The following CDIN1 variants were observed in gnomAD, a reference collection of about 807,000 sequenced individuals.
The protein encoded by CDIN1 is CDAN1-interacting nuclease 1.
CDIN1 carries 33 observed loss-of-function variants against 45.3 expected under a neutral mutation model. That is an observed-to-expected ratio of 0.73 (90% CI 0.55 to 0.97). The LOEUF (loss-of-function observed/expected upper bound fraction) is 0.97. CDIN1 is among the 50% of genes least tolerant of loss of function. The probability of loss-of-function intolerance (pLI) is 0.00; values close to 1 mark genes in which losing one functional copy is unlikely to be tolerated. For synonymous variants in CDIN1, 118 were observed against 124.4 expected (o/e 0.95, Z 0.34); for missense variants, 303 against 339.4 (o/e 0.89, Z 0.84).
chr15:36,679,156 A>G (rs917799400), intron 5 of CDIN1, among the ~76,000 whole-genome samples: 11 of 152,164 alleles, frequency 7.2e-5, no homozygotes, highest in Non-Finnish European at 1.3e-4. Context: ...ACTGAGTGCC[A>G]CAAAAGAGTG....
Position 36,709,265 on chromosome 15 carries a change from A to G in CDIN1, c.587A>G (p.Asp196Gly). 1 of 1,602,000 alleles carries G rather than the reference A, an allele frequency of 6.2e-7. No homozygotes were observed. Among genetic ancestry groups the G allele is most frequent in the Non-Finnish European group, 8.5e-7 (1 of 1,173,676 alleles). Residue 196 changes from aspartate to glycine, a missense_variant, in exon 9 of 11, where the codon GAC becomes GGC. Asp to Gly is a moderately conservative substitution (Grantham distance 94, BLOSUM62 -1). Transcript: ENST00000566621. ...GCAAAGGGTTATGACAAAACACCAGACTTCATTTTACAAGTACCAGTTGGT... is the reference window on the plus strand; with the variant it reads ...GCAAAGGGTTATGACAAAACACCAGGCTTCATTTTACAAGTACCAGTTGGT... ...LRAKGYDKTP[D>G]FILQVPVAVE...
At position 36,808,604 on chromosome 15, in the gene CDIN1, A is replaced by G; in HGVS notation, c.*151A>G. The G allele has an allele frequency of 2.9e-6, 3 of 1,041,788 alleles. No individual in the cohort carries two copies. Among genetic ancestry groups the G allele is most frequent in the South Asian group, 3.2e-5 (2 of 61,648 alleles). 64.5% of individuals were successfully genotyped at this position (1,041,788 alleles called of 1,614,324 possible). A position where few individuals can be genotyped will look rare whatever the true frequency, so the allele number is the denominator to read the frequency against. ...CACACCACTACCTCTTTAGACAAAC[A>G]TATCAAGAGTTTCTGTTTTCCTTCA... On this transcript the variant is annotated 3_prime_UTR_variant, in exon 11 of 11. Transcript: ENST00000566621.
intron 10 of CDIN1, among the ~76,000 whole-genome samples, chr15:36,733,863 T>C (rs1000324697): frequency 5.9e-5 from 9 of 152,152 alleles, no homozygotes; most frequent in Non-Finnish European, 1.2e-4. Flanking sequence ...AATAAGAAAA[T>C]GCAAGGTACT....
intron 1 of CDIN1, among the ~76,000 whole-genome samples, chr15:36,622,469 G>A (rs546446219): frequency 1.2e-4 from 18 of 152,328 alleles, no homozygotes; most frequent in Non-Finnish European, 2.5e-4. Context: ...GCAGGGCCCA[G>A]CAGTCAGGAT....
intron 1 of CDIN1, chr15:36,627,921 C>T (rs552188908): frequency 1.8e-4 from 27 of 149,254 alleles, no homozygotes; most frequent in Admixed American, 8.1e-4. Flanking sequence ...CTGCCCCTGC[C>T]GGAGAAGTGG....
chr15:36,618,007 G>A (rs1595750900), intron 1 of CDIN1: 1 of 789,152 alleles, frequency 1.3e-6, no homozygotes, highest in East Asian at 2.5e-5. Context: ...CAGTCTTTAT[G>A]CAGCCTGTAT....
chr15:36,696,198 A>G (rs1327359561), intron 7 of CDIN1, among the ~76,000 whole-genome samples: 1 of 152,206 alleles, frequency 6.6e-6, no homozygotes, highest in East Asian at 1.9e-4. Flanking sequence ...GCACTGAAAA[A>G]ATATATATTC....
intron 10 of CDIN1, among the ~76,000 whole-genome samples, chr15:36,744,304 T>C (rs1194442659): frequency 1.3e-5 from 2 of 152,190 alleles, no homozygotes; most frequent in African/African-American, 4.8e-5. Context: ...CACATTAGCA[T>C]CTTTTTTATG....
chr15:36,665,694 A>G (rs1399466651), intron 5 of CDIN1, among the ~76,000 whole-genome samples: 1 of 152,124 alleles, frequency 6.6e-6, no homozygotes, highest in Non-Finnish European at 1.5e-5. Context: ...CTTTCCCACC[A>G]CCACTGGAGC....
At chr15:36,617,317 GAAACCAC>G in intron 1 of CDIN1, 1 of 1,384,820 alleles carries the variant, frequency 7.2e-7, no homozygotes. Flanking sequence ...TTTGTCTTGT[GAAACCAC>G]AAGAAATACT....
At chr15:36,618,441 A>C (rs1367920598) in intron 1 of CDIN1, 2 of 855,042 alleles carry the variant, frequency 2.3e-6, no homozygotes, top group East Asian at 4.8e-5. Context: ...CAGAGGTCGA[A>C]GATGACGACA....
intron 1 of CDIN1, chr15:36,640,530 A>C: frequency 1.8e-6 from 1 of 570,210 alleles, no homozygotes; most frequent in Non-Finnish European, 2.2e-6. Flanking sequence ...TAGAGTGTAC[A>C]CATTTAAGCT....
rs558180303 is a variant in CDIN1 at position 36,591,520 on chromosome 15, T to C, written c.101+11559T>C. 2.4e-3 allele frequency among the ~76,000 whole-genome samples: 365 copies of C among 152,292 alleles called. 1 individual carries two copies. The highest frequency in any genetic ancestry group is 2.6e-3 in the Non-Finnish European group (174 of 68,016). On this transcript the variant is annotated intron_variant, in intron 1 of 10. Transcript: ENST00000566621. ...TTCCTAATGGATGAAGTTAAAATTA[T>C]CTAGATTCTCATTTTCTGAGGACAA...
intron 5 of CDIN1, among the ~76,000 whole-genome samples, chr15:36,677,694 G>A (rs1446665955): frequency 6.6e-6 from 1 of 152,144 alleles, no homozygotes; most frequent in Non-Finnish European, 1.5e-5. Flanking sequence ...TCCACAATAT[G>A]AGGGAGAGGA....
chr15:36,781,715 C>T (rs1475963262), intron 10 of CDIN1, among the ~76,000 whole-genome samples: 1 of 152,222 alleles, frequency 6.6e-6, no homozygotes, highest in Non-Finnish European at 1.5e-5. Context: ...AGGCCAGGAG[C>T]CATGATGCCG....
chr15:36,634,350 G>A (rs2039807278), intron 1 of CDIN1, among the ~76,000 whole-genome samples: 1 of 151,960 alleles, frequency 6.6e-6, no homozygotes, highest in Non-Finnish European at 1.5e-5. Flanking sequence ...CTTGAACCAG[G>A]GAGTCAGAGG....
At chr15:36,690,044 G>A (rs530293843) in intron 5 of CDIN1, among the ~76,000 whole-genome samples, 2 of 152,300 alleles carry the variant, frequency 1.3e-5, no homozygotes, top group Admixed American at 1.3e-4. Flanking sequence ...TAGGATAGCT[G>A]GGTGATGCTC....
chr15:36,605,661 C>A (rs1202525389), intron 1 of CDIN1, among the ~76,000 whole-genome samples: 1 of 152,176 alleles, frequency 6.6e-6, no homozygotes, highest in Non-Finnish European at 1.5e-5. Flanking sequence ...TGTTGACTGT[C>A]CCCATTTACA....
chr15:36,664,058 C>T (rs1183527868), intron 5 of CDIN1, among the ~76,000 whole-genome samples: 2 of 152,114 alleles, frequency 1.3e-5, no homozygotes, highest in East Asian at 3.9e-4. Flanking sequence ...GTAGACATGG[C>T]AATTTACTGG....
Sources: gnomAD v4.1 joint callset for allele counts (sites outside exome capture counted in the v4.1 genomes callset) on GRCh38, gnomAD v4.1.1 for gene constraint, MANE v1.5 for transcripts, NCBI Gene and HGNC (gene_info 2026-07-23, HGNC 2026-07-21) for gene names.